PCDHA9: variants seen among roughly 807,000 people sequenced by gnomAD.
PCDHA9 encodes the protein protocadherin alpha 9, also known as protocadherin alpha-9.
In PCDHA9, 62 loss-of-function variants were observed where a neutral mutation model predicts 62.0. The observed-to-expected ratio is 1.00, with a 90% CI of 0.81 to 1.23. PCDHA9 has a LOEUF of 1.23. PCDHA9 is among the 50% of genes most tolerant of loss of function. The pLI is 0.00. For missense variants in PCDHA9, 1,205 were observed against 1,249.8 expected, an observed-to-expected ratio of 0.96 and a Z score of 0.54; for synonymous variants, 557 against 567.6, an observed-to-expected ratio of 0.98 and a Z score of 0.27.
At chr5:140,856,916 A>G in intron 1 of PCDHA9, 1 of 1,596,314 alleles carries the variant, frequency 6.3e-7, no homozygotes, top group Middle Eastern at 1.7e-4. Flanking sequence ...CACGATAAGA[A>G]GGAAATTTTG....
intron 1 of PCDHA9, chr5:140,929,152 T>TA (rs1322546333): frequency 2.5e-6 from 4 of 1,614,072 alleles, no homozygotes; most frequent in Non-Finnish European, 3.4e-6. Flanking sequence ...TTCTCAGACT[T>TA]ATCTCTATCG....
intron 1 of PCDHA9, among the ~76,000 whole-genome samples, chr5:140,914,080 T>G (rs2076596374): frequency 6.6e-6 from 1 of 152,222 alleles, no homozygotes; most frequent in African/African-American, 2.4e-5. Flanking sequence ...TAACTATCTA[T>G]TAGGTCAATT....
Position 140,968,052 on chromosome 5 carries a change from G to A in PCDHA9, c.2395-10897G>A, listed in dbSNP as rs990784546. ...CTGGTGGTGAGCGGCCCACTGGACC[G>A]AGAGCGGGTGGCTGTCTACAACATC... On this transcript the variant is annotated intron_variant, in intron 1 of 3. Transcript: ENST00000532602. The A allele has an allele frequency of 5.0e-6, 8 of 1,614,014 alleles. No homozygotes were observed. In the Admixed American group the frequency reaches 5.0e-5, roughly 10 times the overall value.
At chr5:140,995,608 C>G (rs543938511) in intron 3 of PCDHA9, among the ~76,000 whole-genome samples, 1 of 152,206 alleles carries the variant, frequency 6.6e-6, no homozygotes, top group East Asian at 1.9e-4. Flanking sequence ...TTTCTTCTCC[C>G]AAACCAAATA....
intron 1 of PCDHA9, chr5:140,864,534 T>A (rs1554158965): frequency 6.6e-6 from 1 of 152,246 alleles, no homozygotes; most frequent in Non-Finnish European, 1.5e-5. Flanking sequence ...TTAATTTTTG[T>A]CTTCAATCTT....
At chr5:140,929,207 G>C (rs782298445) in intron 1 of PCDHA9, 2 of 1,613,988 alleles carry the variant, frequency 1.2e-6, no homozygotes, top group Admixed American at 1.7e-5. Context: ...TTGCTGTTGC[G>C]TGGGGAGTAC....
At chr5:140,884,046 A>G (rs781965939) in intron 1 of PCDHA9, 6 of 1,613,474 alleles carry the variant, frequency 3.7e-6, no homozygotes, top group Non-Finnish European at 5.1e-6. Flanking sequence ...GTGGTGGCGA[A>G]GGTGCGCGCG....
chr5:140,870,675 C>G, intron 1 of PCDHA9: 1 of 1,612,672 alleles, frequency 6.2e-7, no homozygotes, highest in Non-Finnish European at 8.5e-7. Context: ...CGTTGGACCA[C>G]GAGGAGCTGG....
At chr5:140,896,381 C>A (rs1235283612) in intron 1 of PCDHA9, among the ~76,000 whole-genome samples, 1 of 152,160 alleles carries the variant, frequency 6.6e-6, no homozygotes, top group Non-Finnish European at 1.5e-5. Context: ...TTCTCTGCAA[C>A]CTCACCAGCA....
Position 141,003,903 on chromosome 5 carries a change from G to C in PCDHA9, c.2543-5724G>C, listed in dbSNP as rs150270772. Among the ~76,000 whole-genome samples, 254 of 152,194 alleles carry C rather than the reference G, an allele frequency of 1.7e-3. 1 individual carries two copies. Among genetic ancestry groups the C allele is most frequent in the Non-Finnish European group, 3.4e-3 (231 of 67,998 alleles). ...AGCCTCTTAACAGGCCCATTCATTT[G>C]GGTCTTGACTGCATCCTCAGTCTTG... On this transcript the variant is annotated intron_variant, in intron 3 of 3. Coordinates refer to ENST00000532602, the MANE Select transcript of PCDHA9 (RefSeq NM_031857.2).
At chr5:140,899,403 G>A (rs1458189120) in intron 1 of PCDHA9, among the ~76,000 whole-genome samples, 6 of 152,230 alleles carry the variant, frequency 3.9e-5, no homozygotes, top group Admixed American at 1.3e-4. Context: ...AGCATGAAGG[G>A]TTGTTGAATT....
chr5:140,875,882 A>G (rs2055902382), intron 1 of PCDHA9: 1 of 1,614,158 alleles, frequency 6.2e-7, no homozygotes, highest in Non-Finnish European at 8.5e-7. Flanking sequence ...AGAGAAAGGG[A>G]ACAAAAGGTA....
At position 140,884,225 on chromosome 5, in the gene PCDHA9, G is replaced by T. The variant is rs782322312; in HGVS notation, c.2394+33336G>T. 1.6e-5 allele frequency: 26 copies of T among 1,613,448 alleles called. No homozygotes were observed. The South Asian group carries it at 2.4e-4, about 15-fold the overall frequency. ...CCACCGCCTTCTGGTGCTGGTGAAG[G>T]ACCACGGTGAGCCCGCGCTGACGGC... is the stretch of plus-strand genomic sequence containing the variant. On this transcript the variant is annotated intron_variant, in intron 1 of 3. Transcript: ENST00000532602.
At chr5:140,867,196 T>G (rs2049814377) in intron 1 of PCDHA9, 1 of 152,086 alleles carries the variant, frequency 6.6e-6, no homozygotes, top group Non-Finnish European at 1.5e-5. Context: ...AGACTCCACA[T>G]TCCATGTAAC....
At chr5:140,988,226 G>C (rs1375369387) in intron 3 of PCDHA9, among the ~76,000 whole-genome samples, 2 of 152,154 alleles carry the variant, frequency 1.3e-5, no homozygotes, top group Non-Finnish European at 2.9e-5. Context: ...TGAGATCAGG[G>C]ATCTATGTGA....
At chr5:140,997,329 T>C (rs1030113015) in intron 3 of PCDHA9, among the ~76,000 whole-genome samples, 1 of 152,228 alleles carries the variant, frequency 6.6e-6, no homozygotes, top group African/African-American at 2.4e-5. Context: ...AGTTTTTTCG[T>C]TGTACAAATA....
intron 1 of PCDHA9, among the ~76,000 whole-genome samples, chr5:140,897,593 G>A (rs1185165472): frequency 6.6e-6 from 1 of 152,014 alleles, no homozygotes; most frequent in Non-Finnish European, 1.5e-5. Context: ...TGTCATTGTT[G>A]GACATTTGGG....
At chr5:140,965,496 A>AT (rs71766133) in intron 1 of PCDHA9, among the ~76,000 whole-genome samples, 6,292 of 146,438 alleles carry the variant, frequency 0.043, 368 homozygotes, top group African/African-American at 0.14. Flanking sequence ...ATGACAGCAG[A>AT]TTTTTTTTTT....
intron 1 of PCDHA9, chr5:140,871,033 C>T (rs201299652): frequency 1.2e-6 from 2 of 1,613,234 alleles, no homozygotes; most frequent in East Asian, 2.2e-5. Context: ...CTCGCCGCGC[C>T]ACCGACTTCT....
Sources: allele counts gnomAD v4.1 joint callset (sites outside exome capture counted in the v4.1 genomes callset), GRCh38; gene constraint gnomAD v4.1.1; transcripts MANE v1.5; gene names NCBI Gene and HGNC (gene_info 2026-07-23, HGNC 2026-07-21).